GDPD4: variants seen among roughly 807,000 people sequenced by gnomAD.
The protein encoded by GDPD4 is glycerophosphodiester phosphodiesterase domain containing 4.
Under a neutral mutation model 67.8 loss-of-function variants are expected in GDPD4, and 60 were observed. That is an observed-to-expected ratio of 0.88 (90% CI 0.72 to 1.10). GDPD4 has a LOEUF of 1.10. GDPD4 is among the 50% of genes least tolerant of loss of function. The probability of loss-of-function intolerance (pLI) is 0.00; values close to 1 mark genes in which losing one functional copy is unlikely to be tolerated. For synonymous variants in GDPD4, 212 were observed against 210.9 expected (o/e 1.00, Z -0.04); for missense variants, 623 against 613.9 (o/e 1.01, Z -0.16).
intron 11 of GDPD4, among the ~76,000 whole-genome samples, chr11:77,255,959 G>C (rs1390800471): frequency 1.3e-5 from 2 of 152,080 alleles, no homozygotes; most frequent in Non-Finnish European, 2.9e-5. Flanking sequence ...AATGTACTTA[G>C]AATTATGAAA....
chr11:77,228,217 G>A (rs1436373812), intron 15 of GDPD4, among the ~76,000 whole-genome samples: 1 of 147,188 alleles, frequency 6.8e-6, no homozygotes, highest in East Asian at 1.9e-4. Context: ...GCCAGGCATG[G>A]GCCAGGCAGG....
At chr11:77,298,395 C>G (rs1487173182) in intron 1 of GDPD4, among the ~76,000 whole-genome samples, 1 of 152,112 alleles carries the variant, frequency 6.6e-6, no homozygotes, top group East Asian at 1.9e-4. Context: ...GCCTGTAATC[C>G]CAGCTACTTG....
Position 77,271,230 on chromosome 11 carries a change from G to A in GDPD4, c.307-7C>T. On this transcript the variant is annotated splice_polypyrimidine_tract_variant and splice_region_variant and intron_variant, in intron 6 of 16. Transcript: ENST00000315938. ...GCACGTAGGGAGCAAAGATCTGTGAGAAAGCCAAAAGTCAGGCTGGATACA... is the reference window on the plus strand; with the variant it reads ...GCACGTAGGGAGCAAAGATCTGTGAAAAAGCCAAAAGTCAGGCTGGATACA... 6.2e-7 allele frequency: 1 copy of A among 1,612,578 alleles called. No homozygotes were observed. The highest frequency in any genetic ancestry group is 1.1e-5 in the South Asian group (1 of 90,828).
chr11:77,272,327 A>G (rs748597952), intron 5 of GDPD4, among the ~76,000 whole-genome samples: 33 of 152,208 alleles, frequency 2.2e-4, no homozygotes, highest in Non-Finnish European at 4.4e-4. Flanking sequence ...ACATACATAG[A>G]TGAAAAAGTT....
chr11:77,293,308 T>C (rs1379339753), intron 1 of GDPD4, among the ~76,000 whole-genome samples: 1 of 152,200 alleles, frequency 6.6e-6, no homozygotes, highest in African/African-American at 2.4e-5. Flanking sequence ...ATCAATCAAC[T>C]TGGGGCCAGG....
At chr11:77,268,844 T>C (rs1621624) in intron 9 of GDPD4, 80 bp downstream of exon 9, 940,580 of 1,411,300 alleles carry the variant, frequency 0.67, 318,147 homozygotes, top group African/African-American at 0.93. Context: ...TCCAGGGGCT[T>C]CCATGGTTCT....
intron 13 of GDPD4, among the ~76,000 whole-genome samples, chr11:77,238,262 CTAAG>C (rs1245059963): frequency 3.9e-5 from 6 of 152,172 alleles, no homozygotes; most frequent in African/African-American, 1.4e-4. Context: ...TGTAAATGTA[CTAAG>C]TGTCACTGAA....
At chr11:77,263,709 C>T (rs886469804) in intron 10 of GDPD4, among the ~76,000 whole-genome samples, 4 of 151,956 alleles carry the variant, frequency 2.6e-5, no homozygotes, top group East Asian at 3.8e-4. Flanking sequence ...CTGATTTTTC[C>T]TTTTGTCTCA....
intron 3 of GDPD4, among the ~76,000 whole-genome samples, chr11:77,284,617 A>T (rs1160906184): frequency 6.6e-6 from 1 of 152,188 alleles, no homozygotes; most frequent in East Asian, 1.9e-4. Context: ...TGAAAAGGGT[A>T]CTGGAAAGGG....
intron 3 of GDPD4, among the ~76,000 whole-genome samples, chr11:77,282,330 C>T (rs1959791973): frequency 6.6e-6 from 1 of 151,870 alleles, no homozygotes; most frequent in Non-Finnish European, 1.5e-5. Flanking sequence ...ATAAAAAATA[C>T]TTAATATAAA....
At chr11:77,252,066 T>TTTG (rs1958913984) in intron 11 of GDPD4, among the ~76,000 whole-genome samples, 2 of 29,980 alleles carry the variant, frequency 6.7e-5, no homozygotes, top group Non-Finnish European at 2.4e-4. Flanking sequence ...TTTTTTTTTG[T>TTTG]TTTTTTTTTT....
intron 11 of GDPD4, among the ~76,000 whole-genome samples, chr11:77,251,617 C>T (rs1029661058): frequency 1.3e-5 from 2 of 152,124 alleles, no homozygotes; most frequent in Non-Finnish European, 2.9e-5. Context: ...TTTTCTCTTG[C>T]TCTTTTTAGA....
At chr11:77,252,036 G>A (rs1363777228) in intron 11 of GDPD4, among the ~76,000 whole-genome samples, 1 of 143,532 alleles carries the variant, frequency 7.0e-6, no homozygotes, top group Non-Finnish European at 1.5e-5. Flanking sequence ...GTGTCCATTT[G>A]GGTTTTTTTG....
intron 9 of GDPD4, 142 bp downstream of exon 9, chr11:77,268,782 C>T (rs1959191102): frequency 2.2e-6 from 2 of 903,132 alleles, no homozygotes; most frequent in Non-Finnish European, 1.7e-6. Flanking sequence ...TCAAGTCCAG[C>T]CTTTACAATG....
Position 77,271,219 on chromosome 11 carries a change from A to G in GDPD4, c.311T>C (p.Phe104Ser), listed in dbSNP as rs1278071253. Residue 104 changes from phenylalanine to serine, a missense_variant, in exon 7 of 17, where the codon TTT (phenylalanine) becomes TCT (serine). Physicochemically the swap from Phe to Ser is radical, Grantham distance 155. Transcript: ENST00000315938. ...GCTGACCAGGTGCACGTAGGGAGCA[A>G]AGATCTGTGAGAAAGCCAAAAGTCA... The part of the protein sequence containing the change: ...WLVAGLSMQI[F>S]APYVHLVSIT... 3.7e-6 allele frequency: 6 copies of G among 1,613,164 alleles called. No individual in the cohort carries two copies. The highest frequency in any genetic ancestry group is 1.6e-4 in the Middle Eastern group (1 of 6,076).
chr11:77,240,666 CAAAGG>C (rs1225904247), intron 13 of GDPD4, among the ~76,000 whole-genome samples: 3 of 151,852 alleles, frequency 2.0e-5, no homozygotes, highest in African/African-American at 7.3e-5. Flanking sequence ...GTCTGCACAG[CAAAGG>C]AAACAATCAA....
At chr11:77,278,040 G>A (rs1387646091) in intron 4 of GDPD4, among the ~76,000 whole-genome samples, 2 of 152,020 alleles carry the variant, frequency 1.3e-5, no homozygotes, top group Non-Finnish European at 2.9e-5. Flanking sequence ...ATGTAGTTGA[G>A]CGGTTTTGAG....
At chr11:77,237,226 T>C (rs1182983742) in intron 13 of GDPD4, among the ~76,000 whole-genome samples, 1 of 152,138 alleles carries the variant, frequency 6.6e-6, no homozygotes, top group Non-Finnish European at 1.5e-5. Context: ...ACATGTCCAA[T>C]AAATAAAGAT....
At chr11:77,301,055 A>T (rs955535702) in intron 1 of GDPD4, among the ~76,000 whole-genome samples, 5 of 152,176 alleles carry the variant, frequency 3.3e-5, no homozygotes, top group African/African-American at 1.2e-4. Context: ...GTGTCTAAGC[A>T]CCAGCCAGCG....
Sources: gnomAD v4.1 joint callset for allele counts (sites outside exome capture counted in the v4.1 genomes callset) on GRCh38, gnomAD v4.1.1 for gene constraint, MANE v1.5 for transcripts, NCBI Gene and HGNC (gene_info 2026-07-23, HGNC 2026-07-21) for gene names.